Variants in DSCAML1 observed in about 807,000 individuals in gnomAD.
DSCAML1 encodes cell adhesion molecule DSCAML1.
A neutral mutation model predicts 200.5 loss-of-function variants in DSCAML1; 38 were observed. The ratio of observed to expected loss-of-function variants is 0.19; its 90% CI spans 0.15 to 0.25. The LOEUF (loss-of-function observed/expected upper bound fraction) is 0.25, where lower values mean the gene tolerates loss of function less well. Among genes scored for constraint, DSCAML1 ranks in the 10% least tolerant of loss-of-function variants. The probability of loss-of-function intolerance (pLI) is 1.00; values close to 1 mark genes in which losing one functional copy is unlikely to be tolerated. For missense variants in DSCAML1, 2,223 were observed against 2,858.8 expected, an observed-to-expected ratio of 0.78 and a Z score of 5.07; for synonymous variants, 1,215 against 1,165.0, an observed-to-expected ratio of 1.04 and a Z score of -0.87.
rs11604025 is a variant in DSCAML1 at position 117,456,734 on chromosome 11, G to A, written c.3568+2020C>T. ...CTGTCACCCAGGCTAGAGTGTAGTG[G>A]TATGATGTCGGCTCACTGCAACTTC... On this transcript the variant is annotated intron_variant, in intron 19 of 32. Coordinates refer to ENST00000651296, the MANE Select transcript of DSCAML1 (RefSeq NM_020693.4). Among the ~76,000 whole-genome samples the A allele has an allele frequency of 4.7e-3, 707 of 149,672 alleles. 5 individuals carry two copies. Among genetic ancestry groups the A allele is most frequent in the African/African-American group, 0.017 (682 of 40,538 alleles).
intron 3 of DSCAML1, among the ~76,000 whole-genome samples, chr11:117,693,091 T>C (rs778895701): frequency 1.8e-4 from 28 of 152,336 alleles, no homozygotes; most frequent in Non-Finnish European, 3.5e-4. Context: ...TTCCGTCCTC[T>C]GCTTTGGAAT....
At chr11:117,766,204 C>G (rs1021711800) in intron 3 of DSCAML1, among the ~76,000 whole-genome samples, 12 of 152,340 alleles carry the variant, frequency 7.9e-5, no homozygotes, top group Admixed American at 3.3e-4. Context: ...AGCTCTGGCT[C>G]TCATTGATAC....
intron 3 of DSCAML1, among the ~76,000 whole-genome samples, chr11:117,620,312 T>A (rs2051901633): frequency 6.6e-6 from 1 of 152,104 alleles, no homozygotes; most frequent in Admixed American, 6.6e-5. Context: ...TAACAAATTG[T>A]TCTCTTTACC....
chr11:117,537,572 C>T (rs2050192845), intron 3 of DSCAML1, among the ~76,000 whole-genome samples: 1 of 152,072 alleles, frequency 6.6e-6, no homozygotes, highest in South Asian at 2.1e-4. Context: ...CAAATTAGTG[C>T]CTCCTAGGAT....
At chr11:117,545,204 T>G (rs2050347892) in intron 3 of DSCAML1, among the ~76,000 whole-genome samples, 1 of 148,486 alleles carries the variant, frequency 6.7e-6, no homozygotes. Flanking sequence ...CACTCTAGCC[T>G]GGGCGACAGA....
chr11:117,508,874 G>A (rs769537234), intron 8 of DSCAML1, among the ~76,000 whole-genome samples: 64 of 152,180 alleles, frequency 4.2e-4, no homozygotes, highest in Non-Finnish European at 8.5e-4. Context: ...TAGAGACATA[G>A]TGAAATCAGG....
At chr11:117,551,159 G>T (rs577211796) in intron 3 of DSCAML1, among the ~76,000 whole-genome samples, 155 of 152,306 alleles carry the variant, frequency 1.0e-3, no homozygotes, top group African/African-American at 3.4e-3. Context: ...CCCTAAAAAC[G>T]TGTAAAGAAA....
intron 8 of DSCAML1, among the ~76,000 whole-genome samples, chr11:117,513,222 T>C (rs979328972): frequency 6.6e-6 from 1 of 152,148 alleles, no homozygotes; most frequent in East Asian, 1.9e-4. Flanking sequence ...CCAAGCTGAT[T>C]TGTCCCAGAT....
intron 3 of DSCAML1, among the ~76,000 whole-genome samples, chr11:117,541,445 T>C (rs1460368074): frequency 6.6e-6 from 1 of 152,186 alleles, no homozygotes; most frequent in Non-Finnish European, 1.5e-5. Context: ...ATCCTGGCAG[T>C]GGAGGAGGCA....
At position 117,572,722 on chromosome 11, in the gene DSCAML1, G is replaced by C. The variant is rs916769904; in HGVS notation, c.512-40200C>G. On this transcript the variant is annotated intron_variant, in intron 3 of 32. Transcript: ENST00000651296. The stretch of plus-strand genomic sequence containing the variant: ...GGTTCCCGCAAATCAGTTGAGTGAA[G>C]GCAAATGAGTCCCTGCCCTTCATTA... 3.9e-5 allele frequency among the ~76,000 whole-genome samples: 6 copies of C among 152,304 alleles called. No homozygotes were observed. The South Asian group carries it at 1.0e-3, about 26-fold the overall frequency.
chr11:117,545,047 T>C lies in DSCAML1; in HGVS notation c.512-12525A>G, dbSNP rs2050345049. On this transcript the variant is annotated intron_variant, in intron 3 of 32. Transcript: ENST00000651296. ...GAGTTTGAGACCAGCCTGGCCAAGA[T>C]GAAAAAACCCGGTCTCTACTAAAAA... Among the ~76,000 whole-genome samples the C allele has an allele frequency of 2.0e-5, 3 of 151,284 alleles. No homozygotes were observed. In the South Asian group the frequency reaches 6.3e-4, roughly 32 times the overall value.
intron 3 of DSCAML1, among the ~76,000 whole-genome samples, chr11:117,754,131 G>C (rs566753666): frequency 2.0e-5 from 3 of 152,158 alleles, no homozygotes; most frequent in Non-Finnish European, 4.4e-5. Flanking sequence ...AATGGGGAGG[G>C]GGGTAGAAAG....
rs1331665283 is a variant in DSCAML1 at position 117,439,381 on chromosome 11, G to A, written c.4029C>T (p.His1343=). Residue 1343 remains histidine (H), a synonymous_variant, in exon 23 of 33, where the codon CAC becomes CAT. Transcript: ENST00000651296. ...PVSMDGHRLI[H]TNGTLLLRAV... is the part of the protein sequence containing the mutation. Reference sequence around the variant, plus strand: ...CACGCAGCAGCAGTGTGCCATTGGTGTGGATGAGCCGGTGCCCATCCATGG... The same window carrying A: ...CACGCAGCAGCAGTGTGCCATTGGTATGGATGAGCCGGTGCCCATCCATGG... 1.9e-6 allele frequency: 3 copies of A among 1,613,816 alleles called. No homozygotes were observed. Among genetic ancestry groups the A allele is most frequent in the Non-Finnish European group, 2.5e-6 (3 of 1,180,020 alleles).
Position 117,518,542 on chromosome 11 carries a change from G to A in DSCAML1, c.1434C>T (p.Arg478=), listed in dbSNP as rs780499098. Residue 478 remains arginine (R), a synonymous_variant, in exon 7 of 33, where the codon CGC becomes CGT. Coordinates refer to ENST00000651296, the MANE Select transcript of DSCAML1 (RefSeq NM_020693.4). The surrounding 1 kb of genome is among the most constrained non-coding windows in gnomAD (Gnocchi z 6.3). The part of the protein sequence containing the change: ...SHMNVTGPQI[R]DGGVYRCTAR... Reference sequence around the variant, plus strand: ...CTGTGCACCGGTACACGCCCCCGTCGCGGATCTGGGGGCCTGTGACGTTCA... The same window carrying A: ...CTGTGCACCGGTACACGCCCCCGTCACGGATCTGGGGGCCTGTGACGTTCA... 34 of 1,614,060 alleles carry A rather than the reference G, an allele frequency of 2.1e-5. No homozygotes were observed. In the Admixed American group the frequency reaches 3.3e-4, roughly 16 times the overall value.
intron 3 of DSCAML1, among the ~76,000 whole-genome samples, chr11:117,730,913 A>T (rs1025832112): frequency 6.6e-6 from 1 of 152,220 alleles, no homozygotes; most frequent in Non-Finnish European, 1.5e-5. Flanking sequence ...AAAAGGCCAC[A>T]TATTGTATGA....
chr11:117,438,657 C>G (rs1424082699), intron 24 of DSCAML1, among the ~76,000 whole-genome samples: 1 of 152,198 alleles, frequency 6.6e-6, no homozygotes, highest in African/African-American at 2.4e-5. Context: ...CAGCCTACTC[C>G]AGGGTCACAC....
chr11:117,549,999 C>T (rs2050441464), intron 3 of DSCAML1, among the ~76,000 whole-genome samples: 1 of 152,166 alleles, frequency 6.6e-6, no homozygotes, highest in South Asian at 2.1e-4. Context: ...CCAACCTTTC[C>T]ACACTGGGTC....
At chr11:117,484,054 C>T (rs1441844931) in intron 11 of DSCAML1, among the ~76,000 whole-genome samples, 1 of 150,594 alleles carries the variant, frequency 6.6e-6, no homozygotes, top group Admixed American at 6.6e-5. Context: ...GCCCCTGCCC[C>T]GGCACCGTGT....
At chr11:117,626,202 C>G (rs538224720) in intron 3 of DSCAML1, among the ~76,000 whole-genome samples, 14 of 84,070 alleles carry the variant, frequency 1.7e-4, no homozygotes, top group Middle Eastern at 4.7e-3. Flanking sequence ...TGCTGAGACC[C>G]CCCCCCCTCC....
Sources: allele counts gnomAD v4.1 joint callset (sites outside exome capture counted in the v4.1 genomes callset), GRCh38; gene constraint gnomAD v4.1.1; non-coding constraint Gnocchi (gnomAD v3.1); transcripts MANE v1.5; gene names NCBI Gene and HGNC (gene_info 2026-07-23, HGNC 2026-07-21).